The following TRIM24 variants were observed in gnomAD, a reference collection of about 807,000 sequenced individuals.
The protein encoded by TRIM24 is tripartite motif containing 24, also known as transcription intermediary factor 1-alpha.
Under a neutral mutation model 123.9 loss-of-function variants are expected in TRIM24, and 29 were observed. The observed-to-expected ratio is 0.23, with a 90% CI of 0.17 to 0.32. The LOEUF is 0.32. Among genes scored for constraint, TRIM24 ranks in the 10% least tolerant of loss-of-function variants. The pLI is 1.00. For missense variants in TRIM24, 932 were observed against 1,295.3 expected, an observed-to-expected ratio of 0.72 and a Z score of 4.31; for synonymous variants, 456 against 461.1, an observed-to-expected ratio of 0.99 and a Z score of 0.14.
chr7:138,498,528 G>A (rs1795965085), intron 1 of TRIM24, among the ~76,000 whole-genome samples: 1 of 152,064 alleles, frequency 6.6e-6, no homozygotes, highest in Non-Finnish European at 1.5e-5. Context: ...CTGGCCCCCT[G>A]TGTGGGTTTA....
At chr7:138,579,661 A>G (rs1797852053) in intron 15 of TRIM24, 129 bp downstream of exon 15, 1 of 726,128 alleles carries the variant, frequency 1.4e-6, no homozygotes, top group Non-Finnish European at 2.2e-6. Context: ...ATCCCAATGA[A>G]TAGTCTAGGT....
At chr7:138,526,501 T>C (rs961941625) in intron 5 of TRIM24, among the ~76,000 whole-genome samples, 12 of 152,142 alleles carry the variant, frequency 7.9e-5, no homozygotes, top group African/African-American at 2.4e-4. Flanking sequence ...TGGAGTGCAG[T>C]GGTGTGATCT....
At position 138,480,130 on chromosome 7, in the gene TRIM24, T is replaced by A. The variant is rs1006257027; in HGVS notation, c.364+19218T>A. ...CACCGCACCCGGGCCATGAATTAAG[T>A]TTTTAAATTTTTTTTTGTAGTGACG... On this transcript the variant is annotated intron_variant, in intron 1 of 18. Transcript: ENST00000343526. Among the ~76,000 whole-genome samples the A allele has an allele frequency of 8.1e-4, 123 of 152,094 alleles. 6 individuals are homozygous for A. The highest frequency in any genetic ancestry group is 8.5e-4 in the Admixed American group (13 of 15,264).
chr7:138,490,194 A>G (rs879336547), intron 1 of TRIM24, among the ~76,000 whole-genome samples: 1 of 152,058 alleles, frequency 6.6e-6, no homozygotes, highest in African/African-American at 2.4e-5. Flanking sequence ...CATGGTTTTC[A>G]GCTCCATAGG....
At chr7:138,480,715 A>G (rs951233063) in intron 1 of TRIM24, among the ~76,000 whole-genome samples, 1 of 152,178 alleles carries the variant, frequency 6.6e-6, no homozygotes, top group Middle Eastern at 3.2e-3. Flanking sequence ...ACCAACTCTC[A>G]TATACCCACT....
chr7:138,578,675 A>G (rs1373414626), intron 14 of TRIM24, among the ~76,000 whole-genome samples: 1 of 152,222 alleles, frequency 6.6e-6, no homozygotes, highest in Non-Finnish European at 1.5e-5. Context: ...TTTAACAATC[A>G]TTTTATTTAG....
chr7:138,467,157 C>G (rs1401612994), intron 1 of TRIM24, among the ~76,000 whole-genome samples: 1 of 152,172 alleles, frequency 6.6e-6, no homozygotes, highest in Non-Finnish European at 1.5e-5. Flanking sequence ...CTCTTCTCAG[C>G]AAATTTTGAA....
At chr7:138,523,750 C>CAAAAAAAA (rs756103684) in intron 4 of TRIM24, among the ~76,000 whole-genome samples, 1 of 57,232 alleles carries the variant, frequency 1.7e-5, no homozygotes, top group Non-Finnish European at 3.3e-5. Context: ...GACTCCGTCT[C>CAAAAAAAA]AAAAAAAAAA....
chr7:138,500,329 A>T (rs1327085088), intron 1 of TRIM24, among the ~76,000 whole-genome samples: 2 of 151,920 alleles, frequency 1.3e-5, no homozygotes, highest in African/African-American at 2.4e-5. Flanking sequence ...GGAGGCTGAG[A>T]CAGGCGGATT....
chr7:138,498,019 T>A (rs112167280), intron 1 of TRIM24, among the ~76,000 whole-genome samples: 3,227 of 150,524 alleles, frequency 0.021, 94 homozygotes, highest in African/African-American at 0.072. Flanking sequence ...TTTTTATTTT[T>A]ACTTATTTAT....
intron 1 of TRIM24, among the ~76,000 whole-genome samples, chr7:138,463,988 A>ATTTTTTTTTTTT (rs1359459460): frequency 6.5e-4 from 21 of 32,100 alleles, no homozygotes; most frequent in Non-Finnish European, 1.0e-3. Context: ...AAAAATTTAG[A>ATTTTTTTTTTTT]CTTTTTTTTT....
chr7:138,559,167 A>G (rs1183512460), intron 9 of TRIM24, among the ~76,000 whole-genome samples: 4 of 152,174 alleles, frequency 2.6e-5, no homozygotes, highest in African/African-American at 9.7e-5. Flanking sequence ...TTCCTGGGTC[A>G]CAGATTGAAT....
Position 138,460,749 on chromosome 7 carries a change from G to T in TRIM24, c.201G>T (p.Ala67=). 1 of 1,577,196 alleles carries T rather than the reference G, an allele frequency of 6.3e-7. No homozygotes were observed. The highest frequency in any genetic ancestry group is 8.6e-7 in the Non-Finnish European group (1 of 1,164,806). ...AVCHQNIQSR[A]PKLLPCLHSF... ...GCCACCAGAACATCCAGAGCCGGGCGCCCAAGCTGCTGCCCTGCCTGCACT... is the reference window on the plus strand; with the variant it reads ...GCCACCAGAACATCCAGAGCCGGGCTCCCAAGCTGCTGCCCTGCCTGCACT... The change falls in exon 1 of 19, where the codon GCG becomes GCT. Residue 67 remains alanine, a synonymous_variant. Coordinates refer to ENST00000343526, the MANE Select transcript of TRIM24 (RefSeq NM_015905.3).
chr7:138,572,466 C>A (rs1170532346), intron 11 of TRIM24, among the ~76,000 whole-genome samples: 1 of 51,472 alleles, frequency 1.9e-5, no homozygotes, highest in Non-Finnish European at 5.1e-5. Flanking sequence ...AAGTAAAATT[C>A]TTTCTGCTTT....
At chr7:138,570,807 T>G (rs1431187584) in intron 10 of TRIM24, 23 bp from the exon 11 acceptor site, 2 of 1,612,234 alleles carry the variant, frequency 1.2e-6, no homozygotes. Flanking sequence ...ATAGCCTTTG[T>G]TCTTCTCTTC....
chr7:138,569,945 CCT>C (rs1491166803), intron 10 of TRIM24, among the ~76,000 whole-genome samples: 1 of 147,658 alleles, frequency 6.8e-6, no homozygotes, highest in Non-Finnish European at 1.5e-5. Flanking sequence ...ATCAAGTCAT[CCT>C]TTTTTTTTTT....
At chr7:138,576,519 T>C in intron 13 of TRIM24, 74 bp downstream of exon 13, 1 of 1,283,204 alleles carries the variant, frequency 7.8e-7, no homozygotes, top group Non-Finnish European at 1.1e-6. Context: ...GTTCAACATG[T>C]TTTGATACTC....
At chr7:138,477,007 A>C (rs1481243454) in intron 1 of TRIM24, among the ~76,000 whole-genome samples, 1 of 152,218 alleles carries the variant, frequency 6.6e-6, no homozygotes, top group Non-Finnish European at 1.5e-5. Context: ...TGTACTGTTA[A>C]GTAGAAATCA....
chr7:138,538,884 C>T (rs1796946395), intron 7 of TRIM24, 81 bp downstream of exon 7: 2 of 1,310,544 alleles, frequency 1.5e-6, no homozygotes, highest in African/African-American at 1.5e-5. Context: ...AAAATTTATT[C>T]TGCTTGTGCA....
Sources: gnomAD v4.1 joint callset for allele counts (sites outside exome capture counted in the v4.1 genomes callset) on GRCh38, gnomAD v4.1.1 for gene constraint, MANE v1.5 for transcripts, NCBI Gene and HGNC (gene_info 2026-07-23, HGNC 2026-07-21) for gene names.